Variants in BCAS3 observed in about 807,000 individuals in gnomAD.
BCAS3 encodes BCAS4/BCAS3 fusion.
A neutral mutation model predicts 116.1 loss-of-function variants in BCAS3; 53 were observed. The ratio of observed to expected loss-of-function variants is 0.46; its 90% confidence interval spans 0.37 to 0.57. The LOEUF (loss-of-function observed/expected upper bound fraction) is 0.57, where lower values mean the gene tolerates loss of function less well. Among genes scored for constraint, BCAS3 ranks in the 20% least tolerant of loss-of-function variants. The pLI, the probability that BCAS3 is intolerant of heterozygous loss-of-function variation, is 0.00. For missense variants in BCAS3, 917 were observed against 1,165.4 expected (o/e 0.79, Z 3.10); for synonymous variants, 391 against 408.2 (o/e 0.96, Z 0.51).
rs71370187 is a variant in BCAS3 at position 61,089,509 on chromosome 17, C to CTTTTTTTT, written c.2425+4976_2425+4983dup. Reference sequence around the variant, plus strand: ...TTTTTCTTCGAGACGGAGTTTCACTCTTTTTTTTTTTTTTTTTTTTTTTTT... The same window carrying CTTTTTTTT: ...TTTTTCTTCGAGACGGAGTTTCACTCTTTTTTTTTTTTTTTTTTTTTTTTTTTTTTTTT... On this transcript the variant is annotated intron_variant, in intron 22 of 23. Transcript: ENST00000407086. Among the ~76,000 whole-genome samples, 132 of 26,750 alleles carry CTTTTTTTT rather than the reference C, an allele frequency of 4.9e-3. 53 individuals are homozygous for CTTTTTTTT. The highest frequency in any genetic ancestry group is 6.0e-3 in the Non-Finnish European group (89 of 14,942). 17.5% of individuals were successfully genotyped at this position (26,750 alleles called of 152,430 possible).
intron 6 of BCAS3, among the ~76,000 whole-genome samples, chr17:60,788,504 A>C (rs1186194636): frequency 6.6e-6 from 1 of 152,202 alleles, no homozygotes; most frequent in East Asian, 1.9e-4. Context: ...TAGTTTAATA[A>C]ACTTTTTGAA....
At chr17:60,801,134 T>C (rs1369207359) in intron 6 of BCAS3, among the ~76,000 whole-genome samples, 2 of 152,180 alleles carry the variant, frequency 1.3e-5, no homozygotes, top group Admixed American at 6.5e-5. Context: ...CATTAAACTT[T>C]ATATCAGTTA....
rs2058561319 is a variant in BCAS3 at position 61,363,446 on chromosome 17, GC to G, written c.2426-4880del. Among the ~76,000 whole-genome samples the G allele has an allele frequency of 6.6e-6, 1 of 152,064 alleles. No homozygotes were observed. The highest frequency in any genetic ancestry group is 2.4e-5 in the African/African-American group (1 of 41,410). ...CAGGAGATAGCCTGCGAAGACTGTTGCACTTACAACCAGATGCCTCATGTCT... is the reference window on the plus strand; with the variant it reads ...CAGGAGATAGCCTGCGAAGACTGTTGACTTACAACCAGATGCCTCATGTCT... On this transcript the variant is annotated intron_variant, in intron 22 of 23. Coordinates refer to ENST00000407086, the MANE Select transcript of BCAS3 (RefSeq NM_017679.5). This position sits in a 1 kb window ranked among gnomAD's most constrained non-coding sequence, Gnocchi z 4.9.
chr17:61,040,648 ATTCATTTTAATGATTACAAG>A (rs1242190340), intron 18 of BCAS3, 124 bp from the exon 19 acceptor site: 3 of 689,278 alleles, frequency 4.4e-6, no homozygotes, highest in Non-Finnish European at 7.3e-6. Context: ...GTTTCATCAC[ATTCATTTTAATGATTACAAG>A]TTCATTTTAA....
In BCAS3 at chr17:61,248,583, C is replaced by T. The variant is rs2048151184; in HGVS notation, c.2426-119744C>T. 1.3e-5 allele frequency among the ~76,000 whole-genome samples: 2 copies of T among 152,162 alleles called. No homozygotes were observed. Among genetic ancestry groups the T allele is most frequent in the African/African-American group, 4.8e-5 (2 of 41,450 alleles). On this transcript the variant is annotated intron_variant, in intron 22 of 23. Transcript: ENST00000407086. The surrounding 1 kb of genome is among the most constrained non-coding windows in gnomAD (Gnocchi z 4.3). Reference sequence around the variant, plus strand: ...CTGGTGAGAATTTGTCTGGTTTGTGCTTCCTCAGCAGGGAGGAAGTAGCAG... The same window carrying T: ...CTGGTGAGAATTTGTCTGGTTTGTGTTTCCTCAGCAGGGAGGAAGTAGCAG...
rs2045049685 is a variant in BCAS3, at chr17:60,774,213, G to T, written c.403+26934G>T. 2.6e-5 allele frequency among the ~76,000 whole-genome samples: 4 copies of T among 151,454 alleles called. No individual in the cohort carries two copies. In the South Asian group the frequency reaches 8.3e-4, roughly 32 times the overall value. ...TTGGTGCCTCTTCATGTTTCTTCAT[G>T]TTTTTTTTCTGCAGTATCTAATGTT... On this transcript the variant is annotated intron_variant, in intron 6 of 23. Coordinates refer to ENST00000407086, the MANE Select transcript of BCAS3 (RefSeq NM_017679.5).
chr17:60,950,717 GAGAT>G (rs940110513), intron 14 of BCAS3, among the ~76,000 whole-genome samples: 19 of 152,310 alleles, frequency 1.2e-4, no homozygotes, highest in African/African-American at 4.6e-4. Flanking sequence ...AACAAACAAT[GAGAT>G]ATAGTCAACA....
At chr17:61,101,174 T>G (rs968811591) in intron 22 of BCAS3, among the ~76,000 whole-genome samples, 6 of 152,142 alleles carry the variant, frequency 3.9e-5, no homozygotes, top group Admixed American at 3.3e-4. Flanking sequence ...GCAAAACCTC[T>G]CCGATGAGAT....
chr17:60,946,720 G>C (rs186827536), intron 13 of BCAS3, among the ~76,000 whole-genome samples: 179 of 152,152 alleles, frequency 1.2e-3, no homozygotes, highest in African/African-American at 4.2e-3. Context: ...GACCAGCCTG[G>C]GCAACATGGT....
chr17:61,248,411 T>C lies in BCAS3; in HGVS notation c.2426-119916T>C, dbSNP rs2048137473. 6.6e-6 allele frequency among the ~76,000 whole-genome samples: 1 copy of C among 152,162 alleles called. No homozygotes were observed. Among genetic ancestry groups the C allele is most frequent in the Admixed American group, 6.5e-5 (1 of 15,284 alleles). ...TCTAAAGGACCATTCCTATGATTAT[T>C]GCAACCCATTTCTCAGGTCTTTCAA... On this transcript the variant is annotated intron_variant, in intron 22 of 23. Transcript: ENST00000407086. This position sits in a 1 kb window ranked among gnomAD's most constrained non-coding sequence, Gnocchi z 4.3.
chr17:61,348,377 T>C lies in BCAS3; in HGVS notation c.2426-19950T>C, dbSNP rs2057632675. On this transcript the variant is annotated intron_variant, in intron 22 of 23. Coordinates refer to ENST00000407086, the MANE Select transcript of BCAS3 (RefSeq NM_017679.5). This position sits in a 1 kb window ranked among gnomAD's most constrained non-coding sequence, Gnocchi z 4.5. ...AGGGTGCTTGGTCTTACGCAGATGG[T>C]TTTGGAGCCCAGGAGAGACCTGAGT... Among the ~76,000 whole-genome samples, 1 of 152,052 alleles carries C rather than the reference T, an allele frequency of 6.6e-6. No individual in the cohort carries two copies. Among genetic ancestry groups the C allele is most frequent in the Non-Finnish European group, 1.5e-5 (1 of 68,020 alleles).
chr17:60,864,513 G>A (rs2054425972), intron 7 of BCAS3, among the ~76,000 whole-genome samples: 2 of 152,184 alleles, frequency 1.3e-5, no homozygotes, highest in South Asian at 4.1e-4. Context: ...GTAGTATTAG[G>A]ACCTTGCTCT....
In BCAS3 at chr17:60,994,981, C is replaced by CT. The variant is rs2063745357; in HGVS notation, c.1486+4752dup. 6.6e-6 allele frequency among the ~76,000 whole-genome samples: 1 copy of CT among 151,992 alleles called. No individual in the cohort carries two copies. Among genetic ancestry groups the CT allele is most frequent in the Admixed American group, 6.6e-5 (1 of 15,236 alleles). Reference sequence around the variant, plus strand: ...TGGCAGTTGACATAGATTCTAAGGCCTTTTTTATTTTTTTGAGACGGGGTC... The same window carrying CT: ...TGGCAGTTGACATAGATTCTAAGGCCTTTTTTTATTTTTTTGAGACGGGGTC... On this transcript the variant is annotated intron_variant, in intron 15 of 23. Transcript: ENST00000407086. The surrounding 1 kb of genome is among the most constrained non-coding windows in gnomAD (Gnocchi z 4.4).
chr17:60,824,136 T>A (rs1395329680), intron 7 of BCAS3, among the ~76,000 whole-genome samples: 1 of 152,208 alleles, frequency 6.6e-6, no homozygotes, highest in African/African-American at 2.4e-5. Flanking sequence ...TCATTACAGT[T>A]TTTCCCGTTA....
rs141990902 is a variant in BCAS3, at chr17:60,735,650, C to T, written c.322-11548C>T. Among the ~76,000 whole-genome samples, 549 of 152,030 alleles carry T rather than the reference C, an allele frequency of 3.6e-3. 4 individuals are homozygous for T. The highest frequency in any genetic ancestry group is 0.012 in the African/African-American group (491 of 41,448). ...TGTGTTTTTTATAGAGACAGGGTTT[C>T]GCCATGTTGCCTAGGCTTGTCTCAA... On this transcript the variant is annotated intron_variant, in intron 5 of 23. Transcript: ENST00000407086.
chr17:61,335,260 A>T (rs1445778791), intron 22 of BCAS3, among the ~76,000 whole-genome samples: 1 of 151,968 alleles, frequency 6.6e-6, no homozygotes, highest in African/African-American at 2.4e-5. Flanking sequence ...TAGGAGGGGG[A>T]CTTTCCCCTC....
chr17:60,941,100 C>T (rs1039838067), intron 13 of BCAS3, among the ~76,000 whole-genome samples: 2 of 152,214 alleles, frequency 1.3e-5, no homozygotes, highest in East Asian at 1.9e-4. Flanking sequence ...CACCCTCTAA[C>T]GCTAATGCTC....
At chr17:60,752,813 T>C (rs753201087) in intron 6 of BCAS3, among the ~76,000 whole-genome samples, 1 of 152,178 alleles carries the variant, frequency 6.6e-6, no homozygotes, top group Non-Finnish European at 1.5e-5. Context: ...TCTTTGCCTG[T>C]CTGGATGGCA....
chr17:60,725,365 T>C (rs1466098074), intron 5 of BCAS3, among the ~76,000 whole-genome samples: 2 of 152,254 alleles, frequency 1.3e-5, no homozygotes, highest in Admixed American at 1.3e-4. Context: ...ATTTCCACTC[T>C]AGCCCTTCTT....
Sources: gnomAD v4.1 joint callset for allele counts (sites outside exome capture counted in the v4.1 genomes callset) on GRCh38, gnomAD v4.1.1 for gene constraint, Gnocchi (gnomAD v3.1) non-coding constraint, MANE v1.5 for transcripts, NCBI Gene and HGNC (gene_info 2026-07-23, HGNC 2026-07-21) for gene names.